GPR63: variants seen among roughly 807,000 people sequenced by gnomAD.
GPR63 encodes the protein probable G protein-coupled receptor 63.
In GPR63, 12 loss-of-function variants were observed where a neutral mutation model predicts 23.1. The ratio of observed to expected loss-of-function variants is 0.52; its 90% CI spans 0.33 to 0.84. The LOEUF (loss-of-function observed/expected upper bound fraction) is 0.84, where lower values mean the gene tolerates loss of function less well. Among genes scored for constraint, GPR63 ranks in the 40% least tolerant of loss-of-function variants. GPR63 has a pLI of 0.02. For synonymous variants in GPR63, 172 were observed against 191.1 expected (o/e 0.90, Z 0.82); for missense variants, 472 against 515.6 (o/e 0.92, Z 0.82).
At chr6:96,829,895 A>G (rs1774535920) in intron 1 of GPR63, among the ~76,000 whole-genome samples, 1 of 152,164 alleles carries the variant, frequency 6.6e-6, no homozygotes, top group Non-Finnish European at 1.5e-5. Flanking sequence ...CAAATATATA[A>G]ATATTTTCAA....
chr6:96,831,712 G>C (rs1774585219), intron 1 of GPR63, among the ~76,000 whole-genome samples: 1 of 151,930 alleles, frequency 6.6e-6, no homozygotes, highest in South Asian at 2.1e-4. Context: ...TTCAAGACCA[G>C]CCTAACCAAC....
At chr6:96,835,363 T>A (rs1328688685) in intron 1 of GPR63, among the ~76,000 whole-genome samples, 1 of 152,150 alleles carries the variant, frequency 6.6e-6, no homozygotes, top group African/African-American at 2.4e-5. Context: ...ATACTATATA[T>A]AGTATGGATA....
intron 1 of GPR63, among the ~76,000 whole-genome samples, chr6:96,819,709 A>C (rs2127954994): frequency 6.7e-6 from 1 of 148,520 alleles, no homozygotes; most frequent in South Asian, 2.1e-4. Flanking sequence ...AAAAAGAAAA[A>C]CCCAACTAAA....
chr6:96,798,597 G>A lies in GPR63; in HGVS notation c.1135C>T (p.His379Tyr), dbSNP rs545579174. 6.2e-7 allele frequency: 1 copy of A among 1,614,188 alleles called. No individual in the cohort carries two copies. Among genetic ancestry groups the A allele is most frequent in the South Asian group, 1.1e-5 (1 of 91,080 alleles). ...GGCATCATGTCCAGGCAAGCATCATGGAATTTCTTAATCCTCCAGTAGTAG... is the reference window on the plus strand; with the variant it reads ...GGCATCATGTCCAGGCAAGCATCATAGAATTTCTTAATCCTCCAGTAGTAG... ...LIYYWRIKKF[H>Y]DACLDMMPKS... The change falls in exon 2 of 2, where the codon CAT becomes TAT. Residue 379 changes from histidine (H) to tyrosine (Y), a missense_variant. Coordinates refer to ENST00000229955, the MANE Select transcript of GPR63 (RefSeq NM_030784.4).
chr6:96,799,378 G>A lies in GPR63; in HGVS notation c.354C>T (p.Ile118=), dbSNP rs1773694768. 6.2e-7 allele frequency: 1 copy of A among 1,614,058 alleles called. No individual in the cohort carries two copies. The highest frequency in any genetic ancestry group is 8.5e-7 in the Non-Finnish European group (1 of 1,180,038). The change falls in exon 2 of 2, where the codon ATC becomes ATT. Residue 118 remains isoleucine (I), a synonymous_variant. Transcript: ENST00000229955. ...QKAAMRSAIN[I]LLASLAFADM... ...CTGCAAAAGCTAGGCTGGCAAGGAGGATGTTAATTGCAGACCTCATGGCAG... is the reference window on the plus strand; with the variant it reads ...CTGCAAAAGCTAGGCTGGCAAGGAGAATGTTAATTGCAGACCTCATGGCAG...
At chr6:96,815,230 T>C (rs1774134110) in intron 1 of GPR63, among the ~76,000 whole-genome samples, 1 of 152,330 alleles carries the variant, frequency 6.6e-6, no homozygotes, top group East Asian at 1.9e-4. Flanking sequence ...TTTAAATTTG[T>C]GGCGATTTAT....
rs140097673 is a variant in GPR63, at chr6:96,815,369, T to C, written c.-150-15488A>G. ...TTCTACTTATAGGAAGTATCCAAAATAGTCAAACTCATAGAAGCAGAGAAT... is the reference window on the plus strand; with the variant it reads ...TTCTACTTATAGGAAGTATCCAAAACAGTCAAACTCATAGAAGCAGAGAAT... On this transcript the variant is annotated intron_variant, in intron 1 of 1. Transcript: ENST00000229955. 3.4e-3 allele frequency among the ~76,000 whole-genome samples: 523 copies of C among 152,304 alleles called. 2 individuals are homozygous for C. The highest frequency in any genetic ancestry group is 6.6e-3 in the Non-Finnish European group (450 of 68,018).
intron 1 of GPR63, among the ~76,000 whole-genome samples, chr6:96,830,654 T>C (rs1348232393): frequency 8.5e-5 from 13 of 152,322 alleles, no homozygotes; most frequent in African/African-American, 2.9e-4. Flanking sequence ...GTGTTTACCT[T>C]CTACATCCAG....
At chr6:96,808,853 C>T (rs1305572084) in intron 1 of GPR63, among the ~76,000 whole-genome samples, 4 of 151,988 alleles carry the variant, frequency 2.6e-5, no homozygotes, top group Non-Finnish European at 4.4e-5. Context: ...TATACATGTG[C>T]CATGCTGGTG....
At chr6:96,828,039 C>T (rs1320459629) in intron 1 of GPR63, among the ~76,000 whole-genome samples, 1 of 152,140 alleles carries the variant, frequency 6.6e-6, no homozygotes, top group Non-Finnish European at 1.5e-5. Flanking sequence ...AACTAAAATA[C>T]TCAACAACAA....
rs113260883 is a variant in GPR63 at position 96,826,058 on chromosome 6, A to G, written c.-151+11210T>C. On this transcript the variant is annotated intron_variant, in intron 1 of 1. Transcript: ENST00000229955. The stretch of plus-strand genomic sequence containing the variant: ...TTTAAAATGTTTACCAAGATGTACC[A>G]TTTCAAATAAGCATAAAATAACTAT... Among the ~76,000 whole-genome samples the G allele has an allele frequency of 2.4e-3, 362 of 152,216 alleles. 2 individuals carry two copies. The highest frequency in any genetic ancestry group is 8.2e-3 in the African/African-American group (342 of 41,578).
intron 1 of GPR63, among the ~76,000 whole-genome samples, chr6:96,815,625 T>C (rs180767679): frequency 6.6e-6 from 1 of 152,208 alleles, no homozygotes; most frequent in African/African-American, 2.4e-5. Flanking sequence ...ATTTTGGAGG[T>C]GATGAATATA....
intron 1 of GPR63, among the ~76,000 whole-genome samples, chr6:96,811,346 G>A (rs1222304932): frequency 6.6e-6 from 1 of 152,160 alleles, no homozygotes; most frequent in Non-Finnish European, 1.5e-5. Flanking sequence ...GAATAAAACA[G>A]GTAGGAATGT....
At chr6:96,831,804 G>T (rs1229686775) in intron 1 of GPR63, among the ~76,000 whole-genome samples, 2 of 152,008 alleles carry the variant, frequency 1.3e-5, no homozygotes, top group Non-Finnish European at 2.9e-5. Context: ...TACTCAGGAG[G>T]CTGAAGCATG....
chr6:96,824,186 G>A (rs1293173324), intron 1 of GPR63, among the ~76,000 whole-genome samples: 1 of 151,998 alleles, frequency 6.6e-6, no homozygotes, highest in Non-Finnish European at 1.5e-5. Flanking sequence ...TGGGGAATAA[G>A]AGCAGAAAGA....
intron 1 of GPR63, among the ~76,000 whole-genome samples, chr6:96,825,779 A>C (rs1244938242): frequency 6.6e-6 from 1 of 152,114 alleles, no homozygotes; most frequent in African/African-American, 2.4e-5. Context: ...AAAAATAATC[A>C]AGCTAATTAC....
intron 1 of GPR63, among the ~76,000 whole-genome samples, chr6:96,820,390 G>C (rs984179564): frequency 8.5e-5 from 13 of 152,052 alleles, no homozygotes; most frequent in Admixed American, 3.3e-4. Flanking sequence ...ATCGGTAAAG[G>C]GCACATGTTT....
intron 1 of GPR63, among the ~76,000 whole-genome samples, chr6:96,825,105 C>T (rs547358209): frequency 2.6e-4 from 40 of 152,124 alleles, no homozygotes; most frequent in Non-Finnish European, 5.0e-4. Flanking sequence ...GCTCAATCCT[C>T]ATTTTATTTC....
intron 1 of GPR63, among the ~76,000 whole-genome samples, chr6:96,832,794 TA>T (rs35478941): frequency 8.1e-5 from 12 of 148,048 alleles, no homozygotes; most frequent in East Asian, 5.9e-4. Flanking sequence ...AAATACAAGT[TA>T]AAAAAAAAAC....
Sources: allele counts gnomAD v4.1 joint callset (sites outside exome capture counted in the v4.1 genomes callset), GRCh38; gene constraint gnomAD v4.1.1; transcripts MANE v1.5; gene names NCBI Gene and HGNC (gene_info 2026-07-23, HGNC 2026-07-21).